Variants in FAM120B observed in about 807,000 individuals in gnomAD.
FAM120B encodes the protein family with sequence similarity 120 member B.
A neutral mutation model predicts 96.3 loss-of-function variants in FAM120B; 83 were observed. The observed-to-expected ratio is 0.86, with a 90% CI of 0.72 to 1.03. FAM120B has a LOEUF of 1.03. FAM120B is among the 50% of genes least tolerant of loss of function. The pLI is 0.00. For synonymous variants in FAM120B, 407 were observed against 402.7 expected (o/e 1.01, Z -0.13); for missense variants, 1,027 against 1,121.2 (o/e 0.92, Z 1.20).
At position 170,318,427 on chromosome 6, in the gene FAM120B, A is replaced by G. The variant is rs1785046906; in HGVS notation, c.1037A>G (p.Asp346Gly). The change falls in exon 2 of 11, where the codon GAT becomes GGT. Residue 346 changes from aspartate (D) to glycine (G), a missense_variant. Around this residue, in one of 3 missense-constraint regions of FAM120B, gnomAD observed 880 missense variants for 980.9 expected, o/e 0.90. Coordinates refer to ENST00000476287, the MANE Select transcript of FAM120B (RefSeq NM_032448.3). ...AGGGAAGAAGTTCCCATGTGTTCAG[A>G]TGCTGAATCCAGGCAAGAAGTTCCC... ...ESREEVPMCSDAESRQEVPMC... is the reference protein window; with the variant it reads ...ESREEVPMCSGAESRQEVPMC... 6.2e-7 allele frequency: 1 copy of G among 1,614,062 alleles called. No individual in the cohort carries two copies. Among genetic ancestry groups the G allele is most frequent in the African/African-American group, 1.3e-5 (1 of 74,952 alleles).
At chr6:170,376,224 A>T (rs949003316) in intron 6 of FAM120B, among the ~76,000 whole-genome samples, 6 of 152,128 alleles carry the variant, frequency 3.9e-5, no homozygotes, top group African/African-American at 1.4e-4. Context: ...GGAGGAGGTG[A>T]TGAAGTCAGC....
rs555430883 is a variant in FAM120B, at chr6:170,406,388, C to T, written c.*1637C>T. ...TTTAAAAACAAAATAAGCCCCTGAA[C>T]GTGCTTGCAGGCCAGTTTGTGTGCC... On this transcript the variant is annotated 3_prime_UTR_variant, in exon 11 of 11. Transcript: ENST00000476287. 1.3e-5 allele frequency: 2 copies of T among 152,278 alleles called. No homozygotes were observed. The highest frequency in any genetic ancestry group is 4.1e-4 in the South Asian group (2 of 4,822). The allele number at this position is 152,278 out of a possible 1,614,324, so 9.4% of individuals were successfully genotyped here.
chr6:170,400,358 G>C (rs994551399), intron 9 of FAM120B, among the ~76,000 whole-genome samples: 1 of 152,136 alleles, frequency 6.6e-6, no homozygotes, highest in Non-Finnish European at 1.5e-5. Flanking sequence ...ATCCTGCCCT[G>C]ATCTCAGAAG....
At chr6:170,354,527 A>G (rs966787203) in intron 5 of FAM120B, among the ~76,000 whole-genome samples, 1 of 152,222 alleles carries the variant, frequency 6.6e-6, no homozygotes, top group African/African-American at 2.4e-5. Flanking sequence ...ACAGAGGTCT[A>G]ATATCCAGAG....
At chr6:170,355,690 C>T (rs751705417) in intron 5 of FAM120B, among the ~76,000 whole-genome samples, 1 of 151,986 alleles carries the variant, frequency 6.6e-6, no homozygotes, top group Non-Finnish European at 1.5e-5. Context: ...ATGTAACAAG[C>T]CTGCACATCC....
chr6:170,370,353 T>A lies in FAM120B; in HGVS notation c.2283+12035T>A, dbSNP rs963578062. Among the ~76,000 whole-genome samples the A allele has an allele frequency of 6.6e-5, 10 of 152,340 alleles. No individual in the cohort carries two copies. In the East Asian group the frequency reaches 1.9e-3, roughly 29 times the overall value. ...GTGGAAGACAGGGAAAGTGATGGTC[T>A]GCTCTAAGATGCCCCAGCCACCTGA... On this transcript the variant is annotated intron_variant, in intron 6 of 10. Coordinates refer to ENST00000476287, the MANE Select transcript of FAM120B (RefSeq NM_032448.3). This position sits in a 1 kb window ranked among gnomAD's most constrained non-coding sequence, Gnocchi z 4.3.
intron 6 of FAM120B, among the ~76,000 whole-genome samples, chr6:170,372,067 A>G (rs1366362439): frequency 6.6e-6 from 1 of 152,230 alleles, no homozygotes; most frequent in Non-Finnish European, 1.5e-5. Context: ...TCCTACTGAT[A>G]TGAGTAAAAT....
chr6:170,401,240 T>A (rs1778566759), intron 9 of FAM120B, among the ~76,000 whole-genome samples: 1 of 152,120 alleles, frequency 6.6e-6, no homozygotes, highest in Non-Finnish European at 1.5e-5. Context: ...TTGCCAGAAG[T>A]CCAGAGGCCA....
intron 9 of FAM120B, among the ~76,000 whole-genome samples, chr6:170,399,796 A>G: frequency 6.9e-6 from 1 of 145,326 alleles, no homozygotes; most frequent in Admixed American, 6.8e-5. Flanking sequence ...GTGAGTGAGG[A>G]AGGTAGAACT....
intron 5 of FAM120B, among the ~76,000 whole-genome samples, chr6:170,352,226 A>G (rs937215402): frequency 6.6e-6 from 1 of 152,266 alleles, no homozygotes; most frequent in Non-Finnish European, 1.5e-5. Context: ...CAATTTAACA[A>G]GAAGAGCTAA....
chr6:170,344,500 C>T (rs374011041), intron 4 of FAM120B, among the ~76,000 whole-genome samples: 9 of 130,178 alleles, frequency 6.9e-5, no homozygotes, highest in East Asian at 5.4e-4. Context: ...GGTTCCTGAG[C>T]AGCCCCACCT....
rs367595313 is a variant in FAM120B at position 170,358,326 on chromosome 6, C to A, written c.2283+8C>A. ...CAGCTTGTAAATCTACAGGTACAGA[C>A]GTGACCAGTTAGTTGTCACTGCCCG... On this transcript the variant is annotated splice_region_variant and intron_variant, in intron 6 of 10. Coordinates refer to ENST00000476287, the MANE Select transcript of FAM120B (RefSeq NM_032448.3). 1.3e-5 allele frequency: 20 copies of A among 1,584,312 alleles called. No individual in the cohort carries two copies. In the African/African-American group the frequency reaches 2.4e-4, roughly 19 times the overall value.
In FAM120B at chr6:170,295,833, C is replaced by T. The variant is rs1165995984; in HGVS notation, c.48+380C>T. 1.3e-5 allele frequency among the ~76,000 whole-genome samples: 2 copies of T among 152,126 alleles called. No homozygotes were observed. Among genetic ancestry groups the T allele is most frequent in the Non-Finnish European group, 2.9e-5 (2 of 68,004 alleles). On this transcript the variant is annotated intron_variant, in intron 1 of 10. Coordinates refer to the FAM120B transcript ENST00000537664. This position sits in a 1 kb window ranked among gnomAD's most constrained non-coding sequence, Gnocchi z 7.8. ...AACCGCGCCACGGGCCCGCGAGACG[C>T]CCACCTCTCGCGTGCGTGGAGCCCG...
chr6:170,308,031 T>C (rs1358341090), intron 1 of FAM120B, among the ~76,000 whole-genome samples: 2 of 152,222 alleles, frequency 1.3e-5, no homozygotes, highest in Non-Finnish European at 2.9e-5. Context: ...AGTGTCATGC[T>C]TTTGTTTTTG....
At position 170,363,916 on chromosome 6, in the gene FAM120B, A is replaced by G. The variant is rs1788617809; in HGVS notation, c.2283+5598A>G. 1.3e-5 allele frequency among the ~76,000 whole-genome samples: 2 copies of G among 152,270 alleles called. No homozygotes were observed. Among genetic ancestry groups the G allele is most frequent in the Middle Eastern group, 3.4e-3 (1 of 294 alleles). Reference sequence around the variant, plus strand: ...CCCAGCTAATTTTTGTATTTTCAATAGAGATGGGGTTTTACCATGTTGGCC... The same window carrying G: ...CCCAGCTAATTTTTGTATTTTCAATGGAGATGGGGTTTTACCATGTTGGCC... On this transcript the variant is annotated intron_variant, in intron 6 of 10. Coordinates refer to ENST00000476287, the MANE Select transcript of FAM120B (RefSeq NM_032448.3). This position sits in a 1 kb window ranked among gnomAD's most constrained non-coding sequence, Gnocchi z 4.5.
chr6:170,380,691 G>GCTTT (rs1789852083), intron 6 of FAM120B, among the ~76,000 whole-genome samples: 3 of 152,110 alleles, frequency 2.0e-5, no homozygotes, highest in African/African-American at 7.2e-5. Flanking sequence ...GTTTTAATTG[G>GCTTT]GTTATTTGTT....
At chr6:170,306,239 G>A (rs192781562), upstream of FAM120B, among the ~76,000 whole-genome samples, 220 of 152,294 alleles carry the variant, frequency 1.4e-3, 1 homozygote, top group Non-Finnish European at 1.9e-4. Flanking sequence ...ACGCCAGGAC[G>A]TCCCCGCTCC....
intron 1 of FAM120B, among the ~76,000 whole-genome samples, chr6:170,296,952 C>G (rs760713513): frequency 4.9e-4 from 75 of 152,250 alleles, no homozygotes; most frequent in Non-Finnish European, 1.0e-4. Context: ...ACGGGCCGTG[C>G]CCACCACAGG....
Position 170,317,620 on chromosome 6 carries a change from C to G in FAM120B, c.230C>G (p.Thr77Ser), listed in dbSNP as rs1784979514. Residue 77 changes from threonine (T) to serine (S), a missense_variant, in exon 2 of 11, where the codon ACT (threonine) becomes AGT (serine). By Grantham distance (58) the Thr-to-Ser change is moderately conservative. Coordinates refer to ENST00000476287, the MANE Select transcript of FAM120B (RefSeq NM_032448.3). The part of the protein sequence containing the change: ...YFSALRDFVK[T>S]FTAAGIKLIF... Reference sequence around the variant, plus strand: ...TCTGCTTTGCGAGATTTTGTTAAAACTTTTACGGCAGCTGGGATCAAGTTG... The same window carrying G: ...TCTGCTTTGCGAGATTTTGTTAAAAGTTTTACGGCAGCTGGGATCAAGTTG... 1 of 1,614,190 alleles carries G rather than the reference C, an allele frequency of 6.2e-7. No homozygotes were observed. Among genetic ancestry groups the G allele is most frequent in the Non-Finnish European group, 8.5e-7 (1 of 1,180,030 alleles).
Sources: gnomAD v4.1 joint callset for allele counts (sites outside exome capture counted in the v4.1 genomes callset) on GRCh38, gnomAD v4.1.1 for gene constraint, gnomAD v4.1.1 regional missense constraint, Gnocchi (gnomAD v3.1) non-coding constraint, MANE v1.5 for transcripts, NCBI Gene and HGNC (gene_info 2026-07-23, HGNC 2026-07-21) for gene names.